SENP6: variants seen among roughly 807,000 people sequenced by gnomAD.
SENP6 encodes sentrin-specific protease 6.
A neutral mutation model predicts 134.5 loss-of-function variants in SENP6; 41 were observed. That is an observed-to-expected ratio of 0.30 (90% CI 0.24 to 0.40). The LOEUF is 0.40. SENP6 is among the 10% of genes least tolerant of loss of function. The pLI, the probability that SENP6 is intolerant of heterozygous loss-of-function variation, is 1.00. For synonymous variants in SENP6, 395 were observed against 429.8 expected (o/e 0.92, Z 1.00); for missense variants, 1,248 against 1,312.5 (o/e 0.95, Z 0.76).
At position 75,633,640 on chromosome 6, in the gene SENP6, T is replaced by C. The variant is rs751156786; in HGVS notation, c.267T>C (p.Tyr89=). The C allele has an allele frequency of 5.6e-6, 9 of 1,612,198 alleles. No individual in the cohort carries two copies. The highest frequency in any genetic ancestry group is 2.2e-5 in the East Asian group (1 of 44,768). ...CTGGTGAATTCATCTTGAAGACATATGTAAGACGAAACAAGTCTGAAAGTT... is the reference window on the plus strand; with the variant it reads ...CTGGTGAATTCATCTTGAAGACATACGTAAGACGAAACAAGTCTGAAAGTT... ...NSSGEFILKT[Y]VRRNKSESFK... is the part of the protein sequence containing the mutation. The change falls in exon 4 of 24, where the codon TAT becomes TAC. Residue 89 remains tyrosine, a synonymous_variant. Transcript: ENST00000447266.
chr6:75,647,594 T>C, intron 6 of SENP6, 137 bp from the exon 7 acceptor site: 1 of 468,866 alleles, frequency 2.1e-6, no homozygotes, highest in Non-Finnish European at 3.8e-6. Flanking sequence ...AGTTTTGTTA[T>C]TTTATAGTAT....
chr6:75,677,452 A>G, intron 14 of SENP6, 196 bp downstream of exon 14: 1 of 450,614 alleles, frequency 2.2e-6, no homozygotes, highest in Non-Finnish European at 4.0e-6. Flanking sequence ...CACTTGATAC[A>G]GGTCTCAGAA....
chr6:75,674,288 T>A (rs1772917389), intron 11 of SENP6, among the ~76,000 whole-genome samples: 1 of 151,792 alleles, frequency 6.6e-6, no homozygotes, highest in South Asian at 2.1e-4. Context: ...CCCAGAGTAG[T>A]TGGGACTATA....
At chr6:75,643,250 G>A (rs1319248218) in intron 6 of SENP6, among the ~76,000 whole-genome samples, 4 of 152,198 alleles carry the variant, frequency 2.6e-5, no homozygotes, top group Admixed American at 1.3e-4. Context: ...TATAATAACT[G>A]TAGTCAGTAT....
At chr6:75,687,754 ATCCT>A (rs1012224068) in intron 16 of SENP6, among the ~76,000 whole-genome samples, 1 of 152,090 alleles carries the variant, frequency 6.6e-6, no homozygotes, top group Non-Finnish European at 1.5e-5. Context: ...TTGCTGCCTG[ATCCT>A]TCCTCTGGAA....
intron 19 of SENP6, among the ~76,000 whole-genome samples, chr6:75,706,200 G>C (rs1383101817): frequency 6.6e-6 from 1 of 151,892 alleles, no homozygotes; most frequent in Non-Finnish European, 1.5e-5. Context: ...TGAGGTGGGT[G>C]GGAATGTAGG....
At chr6:75,644,492 T>TG (rs1448215402) in intron 6 of SENP6, among the ~76,000 whole-genome samples, 1 of 151,416 alleles carries the variant, frequency 6.6e-6, no homozygotes, top group East Asian at 1.9e-4. Flanking sequence ...TTTTTTTTGT[T>TG]TTCTTTTTCT....
intron 3 of SENP6, among the ~76,000 whole-genome samples, chr6:75,628,280 TAATA>T (rs1255712746): frequency 2.0e-5 from 3 of 152,142 alleles, no homozygotes; most frequent in Admixed American, 2.0e-4. Context: ...TATCACACTT[TAATA>T]GAGATATCCT....
chr6:75,634,333 G>A (rs1357108430), intron 4 of SENP6, among the ~76,000 whole-genome samples: 6 of 151,856 alleles, frequency 4.0e-5, no homozygotes, highest in South Asian at 2.1e-4. Context: ...CTCAACCTCC[G>A]CCTCCCGGGT....
At chr6:75,637,439 C>T (rs1051225532) in intron 5 of SENP6, among the ~76,000 whole-genome samples, 2 of 152,090 alleles carry the variant, frequency 1.3e-5, no homozygotes, top group Non-Finnish European at 2.9e-5. Context: ...ATTTTCTTAA[C>T]TGCTATTCCA....
chr6:75,625,462 T>C (rs1423436393), intron 3 of SENP6, among the ~76,000 whole-genome samples: 2 of 152,158 alleles, frequency 1.3e-5, no homozygotes, highest in Non-Finnish European at 2.9e-5. Flanking sequence ...TTGTCTTTGC[T>C]TATGGTGGCT....
chr6:75,636,009 A>G (rs1405215999), intron 5 of SENP6, among the ~76,000 whole-genome samples: 2 of 151,986 alleles, frequency 1.3e-5, no homozygotes, highest in African/African-American at 4.8e-5. Flanking sequence ...ATTACTAGTG[A>G]CCTATTTTCC....
chr6:75,659,833 A>G (rs1771638588), intron 8 of SENP6, among the ~76,000 whole-genome samples: 1 of 151,992 alleles, frequency 6.6e-6, no homozygotes. Flanking sequence ...ATTTTTTTGT[A>G]CTATTTGAGT....
intron 7 of SENP6, among the ~76,000 whole-genome samples, chr6:75,648,042 A>G (rs1770593617): frequency 6.6e-6 from 1 of 152,208 alleles, no homozygotes; most frequent in South Asian, 2.1e-4. Flanking sequence ...GCTATGTTAC[A>G]AATTTGCAAA....
chr6:75,610,085 G>A (rs1332307337), intron 1 of SENP6, among the ~76,000 whole-genome samples: 1 of 152,104 alleles, frequency 6.6e-6, no homozygotes, highest in Non-Finnish European at 1.5e-5. Flanking sequence ...ACCGCACCTG[G>A]CCTTAGTTTA....
At chr6:75,688,900 C>G (rs1037536655) in intron 16 of SENP6, among the ~76,000 whole-genome samples, 3 of 152,200 alleles carry the variant, frequency 2.0e-5, no homozygotes, top group Non-Finnish European at 2.9e-5. Flanking sequence ...AACCCCAACT[C>G]TACTAAAAAT....
At chr6:75,673,743 G>GAA (rs1429373387) in intron 11 of SENP6, among the ~76,000 whole-genome samples, 3 of 151,918 alleles carry the variant, frequency 2.0e-5, no homozygotes, top group Non-Finnish European at 4.4e-5. Context: ...AATGCTTTAT[G>GAA]TCAGCCAGGT....
At chr6:75,654,984 C>T (rs902775762) in intron 7 of SENP6, 6 of 152,264 alleles carry the variant, frequency 3.9e-5, no homozygotes, top group South Asian at 2.1e-4. Context: ...CGATTGTAGA[C>T]GCCTGGTATA....
chr6:75,622,068 C>G (rs1034204606), intron 2 of SENP6, among the ~76,000 whole-genome samples: 1 of 152,126 alleles, frequency 6.6e-6, no homozygotes, highest in Non-Finnish European at 1.5e-5. Flanking sequence ...CTACCACATC[C>G]ATCTTAGGTC....
Sources: gnomAD v4.1 joint callset for allele counts (sites outside exome capture counted in the v4.1 genomes callset) on GRCh38, gnomAD v4.1.1 for gene constraint, MANE v1.5 for transcripts, NCBI Gene and HGNC (gene_info 2026-07-23, HGNC 2026-07-21) for gene names.